Variants in CNTNAP2 observed in about 807,000 individuals in gnomAD.
CNTNAP2 encodes contactin associated protein 2, also known as contactin-associated protein-like 2.
A neutral mutation model predicts 155.2 loss-of-function variants in CNTNAP2; 98 were observed. That is an observed-to-expected ratio of 0.63 (90% CI 0.54 to 0.75). The LOEUF (loss-of-function observed/expected upper bound fraction) is 0.75, where lower values mean the gene tolerates loss of function less well. Among genes scored for constraint, CNTNAP2 ranks in the 30% least tolerant of loss-of-function variants. The probability of loss-of-function intolerance (pLI) is 0.00; values close to 1 mark genes in which losing one functional copy is unlikely to be tolerated. For missense variants in CNTNAP2, 1,727 were observed against 1,688.1 expected, an observed-to-expected ratio of 1.02 and a Z score of -0.40; for synonymous variants, 651 against 631.2, an observed-to-expected ratio of 1.03 and a Z score of -0.47.
chr7:147,870,158 G>A (rs963417506), intron 13 of CNTNAP2, among the ~76,000 whole-genome samples: 2 of 152,142 alleles, frequency 1.3e-5, no homozygotes, highest in Non-Finnish European at 2.9e-5. Context: ...ATGTGCAAGA[G>A]ATTTATGGTA....
chr7:146,427,077 T>C (rs376837079), intron 1 of CNTNAP2, among the ~76,000 whole-genome samples: 1 of 152,132 alleles, frequency 6.6e-6, no homozygotes, highest in South Asian at 2.1e-4. Context: ...CTTCCACATA[T>C]TAAATATCTG....
rs749748111 is a variant in CNTNAP2 at position 147,043,961 on chromosome 7, C to A, written c.457C>A (p.Pro153Thr). The A allele has an allele frequency of 6.2e-7, 1 of 1,614,178 alleles. No individual in the cohort carries two copies. Among genetic ancestry groups the A allele is most frequent in the South Asian group, 1.1e-5 (1 of 91,090 alleles). Residue 153 changes from proline to threonine, a missense_variant, in exon 4 of 24, where the codon CCG becomes ACG. Physicochemically the swap from Pro to Thr is conservative, Grantham distance 38 (BLOSUM62 -1). Transcript: ENST00000361727. ...DGVVRHELQH[P>T]IIARYVRIVP... ...TGTGGTCCGGCACGAATTACAGCAT[C>A]CGATTATTGCCCGCTATGTGCGCAT...
intron 14 of CNTNAP2, among the ~76,000 whole-genome samples, chr7:147,921,083 A>G (rs183778811): frequency 1.5e-3 from 225 of 151,968 alleles, no homozygotes; most frequent in African/African-American, 4.5e-3. Flanking sequence ...TGCTGAGATT[A>G]CAGGTGTGAG....
intron 15 of CNTNAP2, among the ~76,000 whole-genome samples, chr7:147,991,163 A>C (rs1255392961): frequency 6.6e-6 from 1 of 152,180 alleles, no homozygotes; most frequent in Non-Finnish European, 1.5e-5. Context: ...GTTATGAGTC[A>C]ATCTCTTTTC....
chr7:147,801,743 A>G (rs1451858552), intron 13 of CNTNAP2, among the ~76,000 whole-genome samples: 1 of 152,160 alleles, frequency 6.6e-6, no homozygotes, highest in African/African-American at 2.4e-5. Context: ...AGACACGGCA[A>G]CCATCCGATT....
At chr7:147,727,761 T>TC (rs1248957008) in intron 13 of CNTNAP2, among the ~76,000 whole-genome samples, 2 of 151,282 alleles carry the variant, frequency 1.3e-5, no homozygotes, top group Admixed American at 1.3e-4. Flanking sequence ...TTTTTTTTTT[T>TC]TCCTGCGCTC....
chr7:146,485,565 A>G (rs896216804), intron 1 of CNTNAP2, among the ~76,000 whole-genome samples: 2 of 152,194 alleles, frequency 1.3e-5, no homozygotes, highest in Non-Finnish European at 2.9e-5. Flanking sequence ...TGGAATGCTT[A>G]CTTTTTTGAA....
chr7:147,889,223 C>G (rs900551366), intron 13 of CNTNAP2, among the ~76,000 whole-genome samples: 1 of 151,646 alleles, frequency 6.6e-6, no homozygotes, highest in Non-Finnish European at 1.5e-5. Flanking sequence ...AGAAAAAATA[C>G]TTAAACATTA....
intron 1 of CNTNAP2, among the ~76,000 whole-genome samples, chr7:146,326,828 C>T (rs1014605644): frequency 1.3e-5 from 2 of 152,156 alleles, no homozygotes; most frequent in African/African-American, 4.8e-5. Context: ...ACTATGTAAC[C>T]AGTTGGTTAA....
At chr7:148,120,979 A>T (rs1427692121) in intron 16 of CNTNAP2, among the ~76,000 whole-genome samples, 1 of 152,194 alleles carries the variant, frequency 6.6e-6, no homozygotes, top group Non-Finnish European at 1.5e-5. Context: ...GGAGAAAAAA[A>T]TGGCCATGAT....
intron 1 of CNTNAP2, among the ~76,000 whole-genome samples, chr7:146,494,178 C>CA (rs1276279928): frequency 2.0e-5 from 3 of 151,666 alleles, no homozygotes; most frequent in Non-Finnish European, 4.4e-5. Context: ...ACTAAAAATA[C>CA]AAAAAATTAG....
At chr7:146,547,402 G>A (rs1264226413) in intron 1 of CNTNAP2, among the ~76,000 whole-genome samples, 1 of 151,796 alleles carries the variant, frequency 6.6e-6, no homozygotes, top group Admixed American at 6.6e-5. Flanking sequence ...AATATATAAT[G>A]CAGTAGTGCT....
intron 1 of CNTNAP2, among the ~76,000 whole-genome samples, chr7:146,574,704 A>G (rs1798496547): frequency 6.6e-6 from 1 of 152,180 alleles, no homozygotes; most frequent in Non-Finnish European, 1.5e-5. Context: ...CATCTCAAAA[A>G]ACAAACAAAC....
At chr7:146,470,006 A>AT (rs1796773285) in intron 1 of CNTNAP2, among the ~76,000 whole-genome samples, 1 of 149,776 alleles carries the variant, frequency 6.7e-6, no homozygotes, top group South Asian at 2.1e-4. Context: ...CGCCCGGCTA[A>AT]TTTTTTGTAT....
chr7:146,682,649 A>G (rs1024752069), intron 1 of CNTNAP2, among the ~76,000 whole-genome samples: 3 of 152,210 alleles, frequency 2.0e-5, no homozygotes, highest in African/African-American at 7.2e-5. Context: ...AAAAGATCTA[A>G]TGTAACTCTG....
In CNTNAP2 at chr7:146,394,596, A is replaced by T. The variant is rs547626885; in HGVS notation, c.97+277623A>T. 2.6e-5 allele frequency among the ~76,000 whole-genome samples: 4 copies of T among 152,258 alleles called. No homozygotes were observed. In the South Asian group the frequency reaches 8.3e-4, roughly 32 times the overall value. On this transcript the variant is annotated intron_variant, in intron 1 of 23. Transcript: ENST00000361727. ...AACAGAGGTTAAAGGAGGCAAACTG[A>T]GAGTATTTAAATAAAGTTTACTTGC...
chr7:147,281,156 T>C (rs1805025058), intron 8 of CNTNAP2, among the ~76,000 whole-genome samples: 1 of 151,906 alleles, frequency 6.6e-6, no homozygotes, highest in African/African-American at 2.4e-5. Flanking sequence ...AAAGTTCATA[T>C]GTAACTTTAA....
chr7:147,995,727 A>G (rs1205032112), intron 15 of CNTNAP2, among the ~76,000 whole-genome samples: 1 of 152,018 alleles, frequency 6.6e-6, no homozygotes, highest in East Asian at 1.9e-4. Flanking sequence ...GTTAGCCAGG[A>G]TGGTCACAAT....
intron 7 of CNTNAP2, among the ~76,000 whole-genome samples, chr7:147,131,636 G>C (rs1195588407): frequency 6.6e-6 from 1 of 151,914 alleles, no homozygotes; most frequent in Non-Finnish European, 1.5e-5. Flanking sequence ...GGGATTTTGA[G>C]TTGGATACTA....
Sources: allele counts gnomAD v4.1 joint callset (sites outside exome capture counted in the v4.1 genomes callset), GRCh38; gene constraint gnomAD v4.1.1; transcripts MANE v1.5; gene names NCBI Gene and HGNC (gene_info 2026-07-23, HGNC 2026-07-21).